GP1BA: variants seen among roughly 807,000 people sequenced by gnomAD.
GP1BA encodes platelet glycoprotein Ib alpha chain.
A neutral mutation model predicts 5.6 loss-of-function variants in GP1BA; 3 were observed. The ratio of observed to expected loss-of-function variants is 0.53; its 90% CI spans 0.24 to 1.38. GP1BA has a LOEUF of 1.38. GP1BA is among the 40% of genes most tolerant of loss of function. The pLI, the probability that GP1BA is intolerant of heterozygous loss-of-function variation, is 0.16. For synonymous variants in GP1BA, 323 were observed against 358.3 expected, an observed-to-expected ratio of 0.90 and a Z score of 1.11; for missense variants, 707 against 801.4, an observed-to-expected ratio of 0.88 and a Z score of 1.42.
Position 4,932,333 on chromosome 17 carries a change from G to A in GP1BA, c.-39G>A, listed in dbSNP as rs1304744044. On this transcript the variant is annotated 5_prime_UTR_variant, in exon 1 of 2. Transcript: ENST00000329125. This position sits in a 1 kb window ranked among gnomAD's most constrained non-coding sequence, Gnocchi z 4.8. ...GGAGTCGAGTGGCACCCTAGAAGAC[G>A]CTCTGTGCCTTCGGAGGTCTTTCTG... is the stretch of plus-strand genomic sequence containing the variant. 4.5e-6 allele frequency: 6 copies of A among 1,326,946 alleles called. No homozygotes were observed. Among genetic ancestry groups the A allele is most frequent in the Middle Eastern group, 2.9e-4 (1 of 3,410 alleles). 82.2% of individuals were successfully genotyped at this position (1,326,946 alleles called of 1,614,324 possible). A position where few individuals can be genotyped will look rare whatever the true frequency, so the allele number is the denominator to read the frequency against.
chr17:4,934,993 T>C lies in GP1BA; in HGVS notation c.*430T>C, dbSNP rs1292223350. 4.8e-6 allele frequency: 1 copy of C among 210,138 alleles called. No homozygotes were observed. The highest frequency in any genetic ancestry group is 2.4e-5 in the African/African-American group (1 of 42,066). 13.0% of individuals were successfully genotyped at this position (210,138 alleles called of 1,614,324 possible). A position where few individuals can be genotyped will look rare whatever the true frequency, so the allele number is the denominator to read the frequency against. On this transcript the variant is annotated 3_prime_UTR_variant, in exon 2 of 2. Transcript: ENST00000329125. Reference sequence around the variant, plus strand: ...TTTCTAGTTTTCCACTATTATTGTATATTATCTGTATAATAAAAAATAATT... The same window carrying C: ...TTTCTAGTTTTCCACTATTATTGTACATTATCTGTATAATAAAAAATAATT...
chr17:4,933,442 T>C lies in GP1BA; in HGVS notation c.838T>C (p.Cys280Arg), dbSNP rs746586607. Residue 280 changes from cysteine to arginine, a missense_variant, in exon 2 of 2, where the codon TGC (cysteine) becomes CGC (arginine). Cys to Arg is a radical substitution (Grantham distance 180). This residue lies in a region of GP1BA where 442 missense variants were observed against 498.8 expected (regional missense o/e 0.89). Coordinates refer to ENST00000329125, the MANE Select transcript of GP1BA (RefSeq NM_000173.7). ...CGTCTACAAATACCCAGGAAAGGGG[T>C]GCCCCACCCTTGGTGATGAAGGTGA... ...FPVYKYPGKG[C>R]PTLGDEGDTD... The C allele has an allele frequency of 2.4e-5, 39 of 1,613,650 alleles. No individual in the cohort carries two copies. The highest frequency in any genetic ancestry group is 8.5e-7 in the Non-Finnish European group (1 of 1,179,862).
At position 4,933,430 on chromosome 17, in the gene GP1BA, C is replaced by T. The variant is rs1970372100; in HGVS notation, c.826C>T (p.Pro276Ser). The change falls in exon 2 of 2, where the codon CCA becomes TCA. Residue 276 changes from proline to serine, a missense_variant. Transcript: ENST00000329125. ...NSDKFPVYKY[P>S]GKGCPTLGDE... The stretch of plus-strand genomic sequence containing the variant: ...AGACAAGTTTCCCGTCTACAAATAC[C>T]CAGGAAAGGGGTGCCCCACCCTTGG... 6.2e-7 allele frequency: 1 copy of T among 1,613,788 alleles called. No homozygotes were observed. Among genetic ancestry groups the T allele is most frequent in the Admixed American group, 1.7e-5 (1 of 59,992 alleles).
rs1191148388 is a variant in GP1BA, at chr17:4,933,013, C to A, written c.409C>A (p.Arg137Ser). Residue 137 changes from arginine (R) to serine (S), a missense_variant, in exon 2 of 2, where the codon CGT becomes AGT. Physicochemically the swap from Arg to Ser is moderately radical, Grantham distance 110. Transcript: ENST00000329125. ...RLTSLPLGAL[R>S]GLGELQELYL... ...GACCTCGCTGCCTCTTGGTGCCCTG[C>A]GTGGTCTTGGCGAACTCCAAGAGCT... 7 of 1,613,866 alleles carry A rather than the reference C, an allele frequency of 4.3e-6. No homozygotes were observed. In the South Asian group the frequency reaches 4.4e-5, roughly 10 times the overall value.
Position 4,932,786 on chromosome 17 carries a change from C to T in GP1BA, c.182C>T (p.Thr61Ile), listed in dbSNP as rs752327740. ...CACCTGAGTGAGAACCTCCTGTACA[C>T]CTTCTCCCTGGCAACCCTGATGCCT... ...ILHLSENLLY[T>I]FSLATLMPYT... The change falls in exon 2 of 2, where the codon ACC (threonine) becomes ATC (isoleucine). Residue 61 changes from threonine (T) to isoleucine (I), a missense_variant. Coordinates refer to ENST00000329125, the MANE Select transcript of GP1BA (RefSeq NM_000173.7). The surrounding 1 kb of genome is among the most constrained non-coding windows in gnomAD (Gnocchi z 4.8). 2.5e-6 allele frequency: 4 copies of T among 1,614,028 alleles called. No individual in the cohort carries two copies. Among genetic ancestry groups the T allele is most frequent in the Admixed American group, 1.7e-5 (1 of 60,024 alleles).
At position 4,934,435 on chromosome 17, in the gene GP1BA, C is replaced by T. The variant is rs1305655718; in HGVS notation, c.1831C>T (p.Leu611=). The T allele has an allele frequency of 6.2e-7, 1 of 1,613,938 alleles. No individual in the cohort carries two copies. Among genetic ancestry groups the T allele is most frequent in the Non-Finnish European group, 8.5e-7 (1 of 1,179,910 alleles). Residue 611 remains leucine (L), a synonymous_variant, in exon 2 of 2, where the codon CTG becomes TTG. Transcript: ENST00000329125. ...TCCCACTTTCCGCTCCAGCCTCTTC[C>T]TGTGGGTACGGCCTAATGGCCGTGT... ...SLPTFRSSLF[L]WVRPNGRVGP...
chr17:4,932,452 C>A lies in GP1BA; in HGVS notation c.-7+87C>A. ...CTGGAGCTAGTAGTTTTAAGTTCTGCAGGCAAGGGTGGGAGATGGGAGTAG... is the reference window on the plus strand; with the variant it reads ...CTGGAGCTAGTAGTTTTAAGTTCTGAAGGCAAGGGTGGGAGATGGGAGTAG... On this transcript the variant is annotated intron_variant, in intron 1 of 1. Transcript: ENST00000329125. This position sits in a 1 kb window ranked among gnomAD's most constrained non-coding sequence, Gnocchi z 4.8. 7.6e-7 allele frequency: 1 copy of A among 1,317,852 alleles called. No individual in the cohort carries two copies. Among genetic ancestry groups the A allele is most frequent in the Non-Finnish European group, 1.0e-6 (1 of 993,948 alleles). The allele number at this position is 1,317,852 out of a possible 1,614,324, so 81.6% of individuals were successfully genotyped here.
chr17:4,933,567 C>A lies in GP1BA; in HGVS notation c.963C>A (p.Thr321=), dbSNP rs527303575. The part of the protein sequence containing the change: ...VVKFPTKAHT[T]PWGLFYSWST... Reference sequence around the variant, plus strand: ...AGTTCCCCACCAAAGCCCATACAACCCCCTGGGGTCTATTCTACTCATGGT... The same window carrying A: ...AGTTCCCCACCAAAGCCCATACAACACCCTGGGGTCTATTCTACTCATGGT... Residue 321 remains threonine (T), a synonymous_variant, in exon 2 of 2, where the codon ACC becomes ACA. Transcript: ENST00000329125. The A allele has an allele frequency of 6.2e-7, 1 of 1,613,926 alleles. No homozygotes were observed. The highest frequency in any genetic ancestry group is 8.5e-7 in the Non-Finnish European group (1 of 1,179,864).
At position 4,933,586 on chromosome 17, in the gene GP1BA, T is replaced by C; in HGVS notation, c.982T>C (p.Ser328Pro). 6.2e-7 allele frequency: 1 copy of C among 1,613,906 alleles called. No homozygotes were observed. The highest frequency in any genetic ancestry group is 8.5e-7 in the Non-Finnish European group (1 of 1,179,868). Residue 328 changes from serine to proline, a missense_variant, in exon 2 of 2, where the codon TCA (serine) becomes CCA (proline). Physicochemically the swap from Ser to Pro is moderately conservative, Grantham distance 74. This residue lies in a region of GP1BA where 442 missense variants were observed against 498.8 expected (regional missense o/e 0.89). Transcript: ENST00000329125. ...AHTTPWGLFY[S>P]WSTASLDSQM... ...TACAACCCCCTGGGGTCTATTCTACTCATGGTCCACTGCTTCTCTAGACAG... is the reference window on the plus strand; with the variant it reads ...TACAACCCCCTGGGGTCTATTCTACCCATGGTCCACTGCTTCTCTAGACAG...
rs781733809 is a variant in GP1BA, at chr17:4,934,488, C to T, written c.1884C>T (p.Pro628=). The change falls in exon 2 of 2, where the codon CCC becomes CCT. Residue 628 remains proline (P), a synonymous_variant. Coordinates refer to ENST00000329125, the MANE Select transcript of GP1BA (RefSeq NM_000173.7). The stretch of plus-strand genomic sequence containing the variant: ...GGCCTCTAGTGGCAGGAAGGAGGCC[C>T]TCAGCTCTGAGTCAGGGTCGTGGTC... ...RVGPLVAGRR[P]SALSQGRGQD... The T allele has an allele frequency of 2.8e-5, 45 of 1,613,922 alleles. No homozygotes were observed. Among genetic ancestry groups the T allele is most frequent in the Non-Finnish European group, 3.6e-5 (43 of 1,179,912 alleles).
At position 4,932,634 on chromosome 17, in the gene GP1BA, G is replaced by A. The variant is rs774650985; in HGVS notation, c.30G>A (p.Leu10=). Residue 10 remains leucine (L), a synonymous_variant, in exon 2 of 2, where the codon CTG becomes CTA. Coordinates refer to ENST00000329125, the MANE Select transcript of GP1BA (RefSeq NM_000173.7). This position sits in a 1 kb window ranked among gnomAD's most constrained non-coding sequence, Gnocchi z 4.8. The stretch of plus-strand genomic sequence containing the variant: ...CTCTCCTCCTCTTGCTGCTCCTGCT[G>A]CCAAGCCCCTTACACCCCCACCCCA... The part of the protein sequence containing the change: MPLLLLLLL[L]PSPLHPHPIC... The A allele has an allele frequency of 1.2e-6, 2 of 1,613,682 alleles. No individual in the cohort carries two copies. The highest frequency in any genetic ancestry group is 1.7e-6 in the Non-Finnish European group (2 of 1,179,734).
At position 4,934,620 on chromosome 17, in the gene GP1BA, T is replaced by C; in HGVS notation, c.*57T>C. ...GCCTGTGGGCTCTCCTATTGGAATC[T>C]AGTTGGGGGTTGGAGGGGTAAGGAA... On this transcript the variant is annotated 3_prime_UTR_variant, in exon 2 of 2. Transcript: ENST00000329125. The C allele has an allele frequency of 2.5e-6, 4 of 1,571,148 alleles. No homozygotes were observed. In the South Asian group the frequency reaches 3.4e-5, roughly 13 times the overall value.
rs1438388776 is a variant in GP1BA, at chr17:4,934,034, C to T, written c.1430C>T (p.Thr477Ile). 6.2e-6 allele frequency: 10 copies of T among 1,613,522 alleles called. No individual in the cohort carries two copies. Among genetic ancestry groups the T allele is most frequent in the Admixed American group, 3.3e-5 (2 of 59,988 alleles). ...ACAAGCCTGATCACTCCAAAAAGCA[C>T]ATTTTTAACTACCACAAAACCCGTA... Reference protein sequence around the residue: ...SATSLITPKSTFLTTTKPVSL... With the variant: ...SATSLITPKSIFLTTTKPVSL... Residue 477 changes from threonine (T) to isoleucine (I), a missense_variant, in exon 2 of 2, where the codon ACA (threonine) becomes ATA (isoleucine). By Grantham distance (89) the Thr-to-Ile change is moderately conservative. Coordinates refer to ENST00000329125, the MANE Select transcript of GP1BA (RefSeq NM_000173.7).
Position 4,933,212 on chromosome 17 carries a change from T to C in GP1BA, c.608T>C (p.Ile203Thr). 6.2e-7 allele frequency: 1 copy of C among 1,614,032 alleles called. No individual in the cohort carries two copies. Among genetic ancestry groups the C allele is most frequent in the Non-Finnish European group, 8.5e-7 (1 of 1,179,906 alleles). The change falls in exon 2 of 2, where the codon ATA becomes ACA. Residue 203 changes from isoleucine (I) to threonine (T), a missense_variant. By Grantham distance (89) the Ile-to-Thr change is moderately conservative (BLOSUM62 -1). This residue lies in a region of GP1BA where 442 missense variants were observed against 498.8 expected (regional missense o/e 0.89). Coordinates refer to ENST00000329125, the MANE Select transcript of GP1BA (RefSeq NM_000173.7). ...CTCCAAGAGAACTCGCTGTATACAA[T>C]ACCAAAGGGCTTTTTTGGGTCCCAC... ...LLLQENSLYTIPKGFFGSHLL... is the reference protein window; with the variant it reads ...LLLQENSLYTTPKGFFGSHLL...
Position 4,933,111 on chromosome 17 carries a change from C to G in GP1BA, c.507C>G (p.Leu169=). 6.2e-7 allele frequency: 1 copy of G among 1,613,976 alleles called. No homozygotes were observed. Among genetic ancestry groups the G allele is most frequent in the East Asian group, 2.2e-5 (1 of 44,888 alleles). Residue 169 remains leucine (L), a synonymous_variant, in exon 2 of 2, where the codon CTC becomes CTG. Coordinates refer to ENST00000329125, the MANE Select transcript of GP1BA (RefSeq NM_000173.7). ...LLTPTPKLEK[L]SLANNNLTEL... ...CGCCCACACCCAAGCTGGAGAAGCT[C>G]AGTCTGGCTAACAACAACTTGACTG...
Position 4,934,636 on chromosome 17 carries a change from G to A in GP1BA, c.*73G>A. The A allele has an allele frequency of 2.7e-6, 4 of 1,496,400 alleles. No individual in the cohort carries two copies. Among genetic ancestry groups the A allele is most frequent in the Admixed American group, 4.1e-5 (2 of 49,298 alleles). The allele number at this position is 1,496,400 out of a possible 1,614,324, so 92.7% of individuals were successfully genotyped here. A position where few individuals can be genotyped will look rare whatever the true frequency, so the allele number is the denominator to read the frequency against. ...ATTGGAATCTAGTTGGGGGTTGGAG[G>A]GGTAAGGAACACAGGGTGATAGGGA... On this transcript the variant is annotated 3_prime_UTR_variant, in exon 2 of 2. Transcript: ENST00000329125.
rs1381085555 is a variant in GP1BA, at chr17:4,934,382, C to A, written c.1778C>A (p.Ala593Asp). Residue 593 changes from alanine (A) to aspartate (D), a missense_variant, in exon 2 of 2, where the codon GCC becomes GAC. Around this residue, in one of 3 missense-constraint regions of GP1BA, gnomAD observed 247 missense variants for 246.6 expected, o/e 1.00. Coordinates refer to ENST00000329125, the MANE Select transcript of GP1BA (RefSeq NM_000173.7). The part of the protein sequence containing the change: ...QRGRQVTVPR[A>D]WLLFLRGSLP... ...GGACGGCAAGTGACAGTGCCCCGGGCCTGGCTGCTCTTCCTTCGAGGTTCG... is the reference window on the plus strand; with the variant it reads ...GGACGGCAAGTGACAGTGCCCCGGGACTGGCTGCTCTTCCTTCGAGGTTCG... 4 of 1,613,924 alleles carry A rather than the reference C, an allele frequency of 2.5e-6. No homozygotes were observed. Among genetic ancestry groups the A allele is most frequent in the Middle Eastern group, 3.3e-4 (2 of 6,084 alleles).
At position 4,933,270 on chromosome 17, in the gene GP1BA, CT is replaced by C; in HGVS notation, c.667del (p.Trp223GlyfsTer33). The C allele has an allele frequency of 6.2e-7, 1 of 1,614,022 alleles. No homozygotes were observed. Among genetic ancestry groups the C allele is most frequent in the Non-Finnish European group, 8.5e-7 (1 of 1,179,894 alleles). On this transcript the variant is annotated frameshift_variant, in exon 2 of 2. Coordinates refer to ENST00000329125, the MANE Select transcript of GP1BA (RefSeq NM_000173.7). LOFTEE classifies it low-confidence loss of function (END_TRUNC). ...CTTTTGCTTTTCTCCACGGGAACCC[CT>C]GGTTATGCAACTGTGAGATCCTCTA... ...LPFAFLHGNP[W>X]LCNCEILYFR...
chr17:4,933,989 C>T lies in GP1BA; in HGVS notation c.1385C>T (p.Pro462Leu), dbSNP rs745835623. 6.3e-6 allele frequency: 10 copies of T among 1,595,894 alleles called. No homozygotes were observed. Among genetic ancestry groups the T allele is most frequent in the African/African-American group, 1.4e-5 (1 of 72,914 alleles). Residue 462 changes from proline to leucine, a missense_variant, in exon 2 of 2, where the codon CCG (proline) becomes CTG (leucine). By Grantham distance (98) the Pro-to-Leu change is moderately conservative. This residue lies in a region of GP1BA where 247 missense variants were observed against 246.6 expected (regional missense o/e 1.00). Coordinates refer to ENST00000329125, the MANE Select transcript of GP1BA (RefSeq NM_000173.7). ...CCAATCCCGACCATCGCCACAAGCC[C>T]GACCATCCTGGTGTCTGCCACAAGC... ...PTPIPTIATS[P>L]TILVSATSLI...
Sources: gnomAD v4.1 joint callset for allele counts on GRCh38, gnomAD v4.1.1 for gene constraint, gnomAD v4.1.1 regional missense constraint, Gnocchi (gnomAD v3.1) non-coding constraint, MANE v1.5 for transcripts, NCBI Gene and HGNC (gene_info 2026-07-23, HGNC 2026-07-21) for gene names.